Variants in NELL1 observed in about 807,000 individuals in gnomAD.
NELL1 encodes protein kinase C-binding protein NELL1.
In NELL1, 76 loss-of-function variants were observed where a neutral mutation model predicts 107.4. The ratio of observed to expected loss-of-function variants is 0.71; its 90% confidence interval spans 0.59 to 0.86. NELL1 has a LOEUF of 0.86. NELL1 is among the 40% of genes least tolerant of loss of function. NELL1 has a pLI of 0.00. For missense variants in NELL1, 1,024 were observed against 1,005.5 expected, an observed-to-expected ratio of 1.02 and a Z score of -0.25; for synonymous variants, 353 against 341.2, an observed-to-expected ratio of 1.03 and a Z score of -0.38.
At chr11:21,048,796 T>C (rs1430603220) in intron 12 of NELL1, among the ~76,000 whole-genome samples, 1 of 152,128 alleles carries the variant, frequency 6.6e-6, no homozygotes, top group African/African-American at 2.4e-5. Context: ...TTTCCTCTGT[T>C]GGCATTGTCC....
At chr11:20,693,264 C>G (rs138672122) in intron 2 of NELL1, among the ~76,000 whole-genome samples, 4 of 152,164 alleles carry the variant, frequency 2.6e-5, no homozygotes, top group Admixed American at 2.0e-4. Context: ...TGTCTTTTAA[C>G]TGGAGCATTT....
At chr11:21,135,104 A>C (rs1324913744) in intron 13 of NELL1, among the ~76,000 whole-genome samples, 1 of 152,158 alleles carries the variant, frequency 6.6e-6, no homozygotes, top group African/African-American at 2.4e-5. Flanking sequence ...ATTGCTTAAA[A>C]GTGGGGAAAA....
chr11:21,304,044 C>T (rs1409851017), intron 14 of NELL1, among the ~76,000 whole-genome samples: 1 of 152,004 alleles, frequency 6.6e-6, no homozygotes. Flanking sequence ...CCTCTTAATA[C>T]TCTTGCACTG....
chr11:20,952,860 C>A (rs1186223760), intron 11 of NELL1, among the ~76,000 whole-genome samples: 1 of 152,202 alleles, frequency 6.6e-6, no homozygotes. Context: ...TAAATGTTGA[C>A]TACTGTGGAA....
At chr11:21,394,221 T>C (rs1221968895) in intron 15 of NELL1, among the ~76,000 whole-genome samples, 1 of 151,490 alleles carries the variant, frequency 6.6e-6, no homozygotes, top group African/African-American at 2.4e-5. Context: ...ACCTAGAAAA[T>C]GTAAGAAAAT....
At chr11:21,399,929 A>G (rs1393436431) in intron 15 of NELL1, among the ~76,000 whole-genome samples, 1 of 151,848 alleles carries the variant, frequency 6.6e-6, no homozygotes, top group Non-Finnish European at 1.5e-5. Flanking sequence ...GACCTGGGAA[A>G]GTCGATTTTT....
At chr11:21,079,139 G>T (rs570359441) in intron 12 of NELL1, among the ~76,000 whole-genome samples, 196 of 151,824 alleles carry the variant, frequency 1.3e-3, no homozygotes, top group Non-Finnish European at 2.2e-3. Context: ...GAATTCAAGG[G>T]AAAAAACCTT....
chr11:20,983,829 A>G (rs987255795), intron 12 of NELL1, among the ~76,000 whole-genome samples: 6 of 152,134 alleles, frequency 3.9e-5, no homozygotes, highest in African/African-American at 1.4e-4. Flanking sequence ...GCCTTGGTGC[A>G]CAGTTTCTCA....
intron 13 of NELL1, among the ~76,000 whole-genome samples, chr11:21,163,347 A>G (rs908727990): frequency 2.6e-5 from 4 of 152,192 alleles, no homozygotes; most frequent in Admixed American, 6.5e-5. Flanking sequence ...TGGCGGGAAG[A>G]TGATCTAGAG....
chr11:21,570,778 C>CT lies in NELL1; in HGVS notation c.1996dup (p.Cys666LeufsTer7). ...TTTCTAAACAGGATGGCAAGATATT[C>CT]TGCCGACGGACAGCTTGTGATTGCC... On this transcript the variant is annotated frameshift_variant, in exon 18 of 20. Transcript: ENST00000357134. LOFTEE classifies it high-confidence loss of function. 1 of 1,611,256 alleles carries CT rather than the reference C, an allele frequency of 6.2e-7. No homozygotes were observed. Among genetic ancestry groups the CT allele is most frequent in the Non-Finnish European group, 8.5e-7 (1 of 1,178,330 alleles).
At chr11:20,956,594 T>C (rs12049833) in intron 11 of NELL1, among the ~76,000 whole-genome samples, 8,675 of 146,910 alleles carry the variant, frequency 0.059, 388 homozygotes, top group East Asian at 0.22. Context: ...TGCAGTGAGC[T>C]GAGATCACGC....
intron 14 of NELL1, among the ~76,000 whole-genome samples, chr11:21,335,334 T>G (rs573141332): frequency 6.6e-6 from 1 of 152,084 alleles, no homozygotes; most frequent in South Asian, 2.1e-4. Flanking sequence ...ATTTCCTCTC[T>G]CTCTCTCTAT....
chr11:21,513,914 G>A (rs749728972), intron 15 of NELL1, among the ~76,000 whole-genome samples: 12 of 152,186 alleles, frequency 7.9e-5, no homozygotes, highest in Non-Finnish European at 1.8e-4. Flanking sequence ...TTAGAGTGAT[G>A]ATGAGACACC....
intron 13 of NELL1, among the ~76,000 whole-genome samples, chr11:21,184,241 CA>C (rs2133827521): frequency 6.6e-6 from 1 of 151,820 alleles, no homozygotes; most frequent in East Asian, 1.9e-4. Context: ...AGTTCATTGG[CA>C]TGCAAATTGT....
At chr11:21,129,508 G>A (rs1180554620) in intron 13 of NELL1, among the ~76,000 whole-genome samples, 2 of 152,168 alleles carry the variant, frequency 1.3e-5, no homozygotes, top group Non-Finnish European at 2.9e-5. Flanking sequence ...AGTAACTCAA[G>A]TATCCATCAA....
intron 12 of NELL1, among the ~76,000 whole-genome samples, chr11:21,042,598 TC>T (rs1209034353): frequency 2.0e-5 from 3 of 152,022 alleles, no homozygotes; most frequent in Admixed American, 1.3e-4. Flanking sequence ...CCAGAAGTTG[TC>T]TCAGCACCAG....
chr11:21,384,313 A>G (rs190229882), intron 15 of NELL1, among the ~76,000 whole-genome samples: 7 of 152,074 alleles, frequency 4.6e-5, no homozygotes, highest in African/African-American at 1.7e-4. Context: ...ACAATGGCCT[A>G]TAAGGCCCTA....
chr11:20,957,198 C>T (rs1216427208), intron 11 of NELL1, among the ~76,000 whole-genome samples: 1 of 152,154 alleles, frequency 6.6e-6, no homozygotes, highest in African/African-American at 2.4e-5. Flanking sequence ...GGGTGAATCC[C>T]TCCATGGGTG....
intron 12 of NELL1, among the ~76,000 whole-genome samples, chr11:21,112,901 C>T (rs1418350655): frequency 2.0e-5 from 3 of 151,986 alleles, no homozygotes; most frequent in African/African-American, 7.2e-5. Flanking sequence ...AAAGGCTAAA[C>T]TCTGTGCTTA....
Sources: allele counts gnomAD v4.1 joint callset (sites outside exome capture counted in the v4.1 genomes callset), GRCh38; gene constraint gnomAD v4.1.1; transcripts MANE v1.5; gene names NCBI Gene and HGNC (gene_info 2026-07-23, HGNC 2026-07-21).